The following ZNF75D variants were observed in gnomAD, a reference collection of about 807,000 sequenced individuals.
ZNF75D encodes zinc finger protein 75.
Under a neutral mutation model 33.3 loss-of-function variants are expected in ZNF75D, and 33 were observed. That is an observed-to-expected ratio of 0.99 (90% CI 0.75 to 1.32). The LOEUF (loss-of-function observed/expected upper bound fraction) is 1.32. Ranked by LOEUF, ZNF75D falls within the 40% of genes most tolerant of loss-of-function variation. The pLI is 0.00. For missense variants in ZNF75D, 338 were observed against 367.5 expected, an observed-to-expected ratio of 0.92 and a Z score of 0.66; for synonymous variants, 113 against 130.6, an observed-to-expected ratio of 0.87 and a Z score of 0.92.
In ZNF75D at chrX:135,261,937, G is replaced by A; in HGVS notation, n.828-6160C>T. 2.7e-5 allele frequency among the ~76,000 whole-genome samples: 3 copies of A among 111,966 alleles called. No individual in the cohort carries two copies. The South Asian group carries it at 1.1e-3, about 42-fold the overall frequency. On this transcript the variant is annotated intron_variant and non_coding_transcript_variant, in intron 1 of 3. Coordinates refer to the ZNF75D transcript ENST00000494295. ...CATGTTTTTGCAGTGACTGGTACTG[G>A]TTGTTTTCATGTATAGTGCTTCCTT...
chrX:135,294,793 G>A (rs1443940004), intron 2 of ZNF75D, among the ~76,000 whole-genome samples: 1 of 111,567 alleles, frequency 9.0e-6, no homozygotes, highest in Non-Finnish European at 1.9e-5. Context: ...GCTGGTAGGA[G>A]AACTGAGACA....
intron 1 of ZNF75D, among the ~76,000 whole-genome samples, chrX:135,256,426 T>TG (rs35730916): frequency 1.1e-4 from 12 of 110,762 alleles, no homozygotes; most frequent in East Asian, 2.9e-4. Context: ...GGTGTGTGTG[T>TG]GGGGGGGTGC....
At chrX:135,300,516 G>A (rs1298303283) in intron 1 of ZNF75D, among the ~76,000 whole-genome samples, 1 of 111,330 alleles carries the variant, frequency 9.0e-6, no homozygotes, top group African/African-American at 3.3e-5. Context: ...GGGAGGCTGA[G>A]GCTGGTGGAT....
At chrX:135,272,877 G>A (rs782035180) in intron 1 of ZNF75D, among the ~76,000 whole-genome samples, 1 of 111,689 alleles carries the variant, frequency 9.0e-6, no homozygotes, top group South Asian at 3.8e-4. Flanking sequence ...AGTAACCAAT[G>A]GGAACCTCTA....
chrX:135,340,210 C>T (rs888453348), intron 1 of ZNF75D, among the ~76,000 whole-genome samples: 19 of 112,293 alleles, frequency 1.7e-4, no homozygotes, highest in African/African-American at 6.2e-4. Context: ...GTTGGAAAAA[C>T]TGTTCAGTAA....
intron 1 of ZNF75D, chrX:135,327,775 C>A (rs1300417676): frequency 1.8e-5 from 2 of 112,049 alleles, no homozygotes; most frequent in African/African-American, 6.5e-5. Flanking sequence ...GGGCAATGAT[C>A]AGCAATTCTG....
At chrX:135,304,000 G>A (rs12156900) in intron 1 of ZNF75D, among the ~76,000 whole-genome samples, 28,113 of 111,712 alleles carry the variant, frequency 0.25, 2,810 homozygotes, top group South Asian at 0.43. Context: ...GCAGCCAGAA[G>A]TTGTAGCTTC....
At chrX:135,320,591 T>C (rs1203352159) in intron 1 of ZNF75D, among the ~76,000 whole-genome samples, 1 of 111,595 alleles carries the variant, frequency 9.0e-6, no homozygotes, top group East Asian at 2.8e-4. Context: ...TTTGATGGTT[T>C]TGGCAAATAA....
At chrX:135,269,594 TA>T (rs1310975916) in intron 1 of ZNF75D, among the ~76,000 whole-genome samples, 7 of 111,796 alleles carry the variant, frequency 6.3e-5, no homozygotes, top group African/African-American at 2.3e-4. Context: ...AGTGAGGCAA[TA>T]ACAAATGCTG....
At chrX:135,270,891 C>T (rs1426731459) in intron 1 of ZNF75D, among the ~76,000 whole-genome samples, 5 of 111,750 alleles carry the variant, frequency 4.5e-5, no homozygotes, top group African/African-American at 1.6e-4. Flanking sequence ...CATCTTGCCT[C>T]GAATATTTTA....
At chrX:135,309,497 TA>T in intron 1 of ZNF75D, 1 of 297,018 alleles carries the variant, frequency 3.4e-6, no homozygotes, top group Non-Finnish European at 5.9e-6. Flanking sequence ...AAGAACTCCC[TA>T]AAGCCAGTCC....
chrX:135,312,785 G>A (rs1556429104), intron 1 of ZNF75D, among the ~76,000 whole-genome samples: 2 of 108,932 alleles, frequency 1.8e-5, no homozygotes, highest in Non-Finnish European at 3.8e-5. Flanking sequence ...TATACCTGTT[G>A]GCCATTTGTA....
chrX:135,283,038 T>G (rs1335934499), downstream of ZNF75D, among the ~76,000 whole-genome samples: 1 of 112,124 alleles, frequency 8.9e-6, no homozygotes, highest in Non-Finnish European at 1.9e-5. Context: ...AAATCTTTCT[T>G]GGCATTGCAT....
chrX:135,297,891 T>C (rs1469298218), intron 1 of ZNF75D: 5 of 112,143 alleles, frequency 4.5e-5, no homozygotes, highest in African/African-American at 1.6e-4. Context: ...GCCAGCATTG[T>C]TGTTGGGTTT....
chrX:135,258,037 C>T (rs1168114360), intron 1 of ZNF75D, among the ~76,000 whole-genome samples: 4 of 108,713 alleles, frequency 3.7e-5, no homozygotes, highest in Admixed American at 3.0e-4. Flanking sequence ...TGTTCAATTA[C>T]CACCTATGAG....
At chrX:135,268,275 G>A (rs1208709186) in intron 1 of ZNF75D, among the ~76,000 whole-genome samples, 4 of 104,491 alleles carry the variant, frequency 3.8e-5, no homozygotes, top group Admixed American at 3.2e-4. Flanking sequence ...TCAGACAAGA[G>A]AAAGAAATAA....
At chrX:135,339,426 C>CT (rs1556443848) in intron 1 of ZNF75D, among the ~76,000 whole-genome samples, 1 of 111,990 alleles carries the variant, frequency 8.9e-6, no homozygotes, top group East Asian at 2.8e-4. Flanking sequence ...GTGGCAGGAC[C>CT]TCTCTTTCCT....
chrX:135,312,056 T>C (rs901928614), intron 1 of ZNF75D, among the ~76,000 whole-genome samples: 1 of 111,654 alleles, frequency 9.0e-6, no homozygotes, highest in Non-Finnish European at 1.9e-5. Flanking sequence ...ATGTTAACTA[T>C]AGTCGCCTTA....
intron 1 of ZNF75D, among the ~76,000 whole-genome samples, chrX:135,277,487 T>C (rs2083903566): frequency 8.9e-6 from 1 of 112,543 alleles, no homozygotes; most frequent in South Asian, 3.6e-4. Flanking sequence ...AGCTCTTTAG[T>C]TTAATTAGAT....
Sources: gnomAD v4.1 joint callset for allele counts (sites outside exome capture counted in the v4.1 genomes callset) on GRCh38, gnomAD v4.1.1 for gene constraint, MANE v1.5 for transcripts, NCBI Gene and HGNC (gene_info 2026-07-23, HGNC 2026-07-21) for gene names.